AHI1: variants seen among roughly 807,000 people sequenced by gnomAD.
AHI1 encodes Abelson helper integration site 1, also known as jouberin.
Under a neutral mutation model 149.3 loss-of-function variants are expected in AHI1, and 123 were observed. The ratio of observed to expected loss-of-function variants is 0.82; its 90% CI spans 0.71 to 0.96. The LOEUF is 0.96. AHI1 is among the 40% of genes least tolerant of loss of function. The pLI is 0.00. For synonymous variants in AHI1, 475 were observed against 459.8 expected (o/e 1.03, Z -0.42); for missense variants, 1,439 against 1,422.7 (o/e 1.01, Z -0.18).
In AHI1 at chr6:135,376,881, CAAAAAAAAAAAAAAAAAAAAA is replaced by C. The variant is rs1167083326; in HGVS notation, c.3109+17874_3109+17894del. On this transcript the variant is annotated intron_variant, in intron 23 of 28. Transcript: ENST00000265602. ...TCGGTGACAGAGCGAGACTCCATCT[CAAAAAAAAAAAAAAAAAAAAA>C]AAAAAAAAAAAAAAAAAAAGTTGGT... Among the ~76,000 whole-genome samples, 225 of 29,444 alleles carry C rather than the reference CAAAAAAAAAAAAAAAAAAAAA, an allele frequency of 7.6e-3. 4 individuals are homozygous for C. Among genetic ancestry groups the C allele is most frequent in the African/African-American group, 0.033 (204 of 6,246 alleles). The allele number at this position is 29,444 out of a possible 152,430, so 19.3% of individuals were successfully genotyped here.
At chr6:135,344,140 T>C (rs1790795379) in intron 24 of AHI1, among the ~76,000 whole-genome samples, 2 of 152,012 alleles carry the variant, frequency 1.3e-5, no homozygotes, top group Admixed American at 1.3e-4. Context: ...AGATTTATAA[T>C]ACCTAATACA....
intron 22 of AHI1, among the ~76,000 whole-genome samples, chr6:135,403,263 T>A (rs1358651764): frequency 6.6e-6 from 1 of 152,142 alleles, no homozygotes; most frequent in African/African-American, 2.4e-5. Context: ...TTTGTGAATA[T>A]GGTAAAAACC....
At chr6:135,352,730 C>T (rs1197783081) in intron 24 of AHI1, among the ~76,000 whole-genome samples, 2 of 149,520 alleles carry the variant, frequency 1.3e-5, no homozygotes, top group Non-Finnish European at 3.0e-5. Flanking sequence ...CACACACACA[C>T]ACACACAATA....
chr6:135,339,296 G>T (rs1789924579), intron 24 of AHI1, among the ~76,000 whole-genome samples: 1 of 152,004 alleles, frequency 6.6e-6, no homozygotes, highest in Non-Finnish European at 1.5e-5. Flanking sequence ...AAACATGCAA[G>T]GAAAGAGGAA....
At chr6:135,451,145 C>T (rs1480771697) in intron 11 of AHI1, among the ~76,000 whole-genome samples, 2 of 151,988 alleles carry the variant, frequency 1.3e-5, no homozygotes, top group Admixed American at 6.6e-5. Context: ...TACAGGTGCA[C>T]ACCACCACAT....
intron 21 of AHI1, among the ~76,000 whole-genome samples, chr6:135,407,446 A>G (rs1780950775): frequency 5.9e-5 from 9 of 152,218 alleles, no homozygotes; most frequent in Admixed American, 5.9e-4. Context: ...TACTATGTAC[A>G]TTCTGAAAGA....
intron 22 of AHI1, among the ~76,000 whole-genome samples, chr6:135,401,536 C>T (rs1037868309): frequency 1.1e-4 from 17 of 152,150 alleles, no homozygotes; most frequent in Non-Finnish European, 2.4e-4. Context: ...CATAAATACA[C>T]TCTGTTGTTA....
chr6:135,492,560 C>T, intron 3 of AHI1: 2 of 982,620 alleles, frequency 2.0e-6, no homozygotes, highest in Non-Finnish European at 2.4e-6. Context: ...AGGCAGTGCA[C>T]ATCTAATGTG....
chr6:135,446,411 C>G (rs1366103268), intron 13 of AHI1, among the ~76,000 whole-genome samples: 4 of 152,188 alleles, frequency 2.6e-5, no homozygotes, highest in African/African-American at 9.7e-5. Context: ...TCAACCCAGT[C>G]ATCACCTTGA....
chr6:135,310,195 T>C (rs1785005487), intron 26 of AHI1, among the ~76,000 whole-genome samples: 2 of 152,196 alleles, frequency 1.3e-5, no homozygotes, highest in Non-Finnish European at 2.9e-5. Context: ...ATTCCTATGA[T>C]TAACAATAAT....
intron 20 of AHI1, among the ~76,000 whole-genome samples, chr6:135,412,745 A>G (rs922187179): frequency 4.6e-5 from 7 of 152,342 alleles, no homozygotes; most frequent in Middle Eastern, 3.4e-3. Flanking sequence ...CCTTAGTTAC[A>G]TAATCTTGAA....
chr6:135,395,031 G>C lies in AHI1; in HGVS notation c.2989-135C>G, dbSNP rs12111490. 2,120 of 820,948 alleles carry C rather than the reference G, an allele frequency of 2.6e-3. 26 individuals carry two copies. The African/African-American group carries it at 0.031, about 12-fold the overall frequency. The allele number at this position is 820,948 out of a possible 1,614,324, so 50.9% of individuals were successfully genotyped here. On this transcript the variant is annotated intron_variant, in intron 22 of 28. Transcript: ENST00000265602. ...CAAAAGGAGTGGTAATGATGTACAT[G>C]GTTAGTTTGTAAACTTTACAAAAGA...
At position 135,306,161 on chromosome 6, in the gene AHI1, C is replaced by T. The variant is rs749306843; in HGVS notation, c.3427-5603G>A. On this transcript the variant is annotated intron_variant, in intron 26 of 28. Transcript: ENST00000265602. ...CTACAGTGCACAGAAAACCAGCAGGCACTCAAAGTATGTGTTAAATGAATA... is the reference window on the plus strand; with the variant it reads ...CTACAGTGCACAGAAAACCAGCAGGTACTCAAAGTATGTGTTAAATGAATA... Among the ~76,000 whole-genome samples, 5 of 152,210 alleles carry T rather than the reference C, an allele frequency of 3.3e-5. No homozygotes were observed. The South Asian group carries it at 6.2e-4, about 19-fold the overall frequency.
At chr6:135,415,327 C>A (rs1782213754) in intron 20 of AHI1, among the ~76,000 whole-genome samples, 1 of 151,896 alleles carries the variant, frequency 6.6e-6, no homozygotes, top group African/African-American at 2.4e-5. Flanking sequence ...GGGTATATAC[C>A]CAGTAATGGG....
chr6:135,307,712 T>A (rs1050426840), intron 26 of AHI1, among the ~76,000 whole-genome samples: 4 of 150,964 alleles, frequency 2.6e-5, no homozygotes, highest in Admixed American at 2.6e-4. Flanking sequence ...TACTTATAAG[T>A]GTTTTTTCCT....
At chr6:135,444,577 T>C (rs558540236) in intron 13 of AHI1, among the ~76,000 whole-genome samples, 1 of 152,354 alleles carries the variant, frequency 6.6e-6, no homozygotes, top group East Asian at 1.9e-4. Flanking sequence ...CACTGTTGAA[T>C]GAGCCCTTCT....
intron 23 of AHI1, among the ~76,000 whole-genome samples, chr6:135,368,594 T>C (rs1454737401): frequency 1.3e-5 from 2 of 152,072 alleles, no homozygotes; most frequent in Non-Finnish European, 2.9e-5. Context: ...GGGATGGGAA[T>C]GTGGTTCTCA....
chr6:135,412,042 T>C (rs1781674417), intron 20 of AHI1, among the ~76,000 whole-genome samples: 1 of 152,160 alleles, frequency 6.6e-6, no homozygotes, highest in Non-Finnish European at 1.5e-5. Context: ...ATTAAATGTT[T>C]TACAGTATCT....
At chr6:135,436,844 T>C (rs551089998) in intron 15 of AHI1, among the ~76,000 whole-genome samples, 2 of 152,268 alleles carry the variant, frequency 1.3e-5, no homozygotes, top group East Asian at 1.9e-4. Context: ...TCCAGTGATC[T>C]GCCCACCTCG....
Sources: allele counts gnomAD v4.1 joint callset (sites outside exome capture counted in the v4.1 genomes callset), GRCh38; gene constraint gnomAD v4.1.1; transcripts MANE v1.5; gene names NCBI Gene and HGNC (gene_info 2026-07-23, HGNC 2026-07-21).